The following MEI4 variants were observed in gnomAD, a reference collection of about 807,000 sequenced individuals.
The protein encoded by MEI4 is meiosis-specific protein MEI4.
MEI4 carries 27 observed loss-of-function variants against 31.4 expected under a neutral mutation model. That is an observed-to-expected ratio of 0.86 (90% CI 0.63 to 1.19). MEI4 has a LOEUF of 1.19. Ranked by LOEUF, MEI4 falls within the 50% of genes most tolerant of loss-of-function variation. MEI4 has a pLI of 0.00. For missense variants in MEI4, 329 were observed against 398.9 expected, an observed-to-expected ratio of 0.82 and a Z score of 1.49; for synonymous variants, 122 against 145.4, an observed-to-expected ratio of 0.84 and a Z score of 1.16.
rs70974691 is a variant in MEI4, at chr6:77,905,475, C to CTTTTTT, written c.901-17580_901-17575dup. On this transcript the variant is annotated intron_variant, in intron 4 of 4. Coordinates refer to ENST00000684080, the MANE Select transcript of MEI4 (RefSeq NM_001322247.2). Reference sequence around the variant, plus strand: ...TTCTATAGATTGTATAAATTTTCAGCTTTTTTTTTTTTTTTTTTTTTTTTT... The same window carrying CTTTTTT: ...TTCTATAGATTGTATAAATTTTCAGCTTTTTTTTTTTTTTTTTTTTTTTTTTTTTTT... Among the ~76,000 whole-genome samples, 59 of 93,348 alleles carry CTTTTTT rather than the reference C, an allele frequency of 6.3e-4. 10 individuals are homozygous for CTTTTTT. The highest frequency in any genetic ancestry group is 1.0e-3 in the East Asian group (3 of 2,882). 61.2% of individuals were successfully genotyped at this position (93,348 alleles called of 152,430 possible). A position where few individuals can be genotyped will look rare whatever the true frequency, so the allele number is the denominator to read the frequency against.
At chr6:77,670,888 CCTTT>C (rs1768725913) in intron 1 of MEI4, among the ~76,000 whole-genome samples, 1 of 151,910 alleles carries the variant, frequency 6.6e-6, no homozygotes, top group Admixed American at 6.6e-5. Context: ...ATAGTTTATC[CCTTT>C]CTATCACTGC....
chr6:77,766,221 T>G (rs181895886), intron 3 of MEI4, among the ~76,000 whole-genome samples: 52 of 152,300 alleles, frequency 3.4e-4, no homozygotes, highest in Admixed American at 2.0e-3. Context: ...ATTTGAATGT[T>G]GTGGTTTTAA....
At chr6:77,898,644 T>C (rs1766130974) in intron 4 of MEI4, among the ~76,000 whole-genome samples, 1 of 152,094 alleles carries the variant, frequency 6.6e-6, no homozygotes, top group African/African-American at 2.4e-5. Flanking sequence ...ACTACATCTC[T>C]GTATGTCCTT....
At chr6:77,663,341 G>A (rs1227421335) in intron 1 of MEI4, among the ~76,000 whole-genome samples, 2 of 152,108 alleles carry the variant, frequency 1.3e-5, no homozygotes, top group Non-Finnish European at 2.9e-5. Flanking sequence ...TTAATGAGAT[G>A]GTAAGGGGTG....
At chr6:77,770,814 CA>C (rs926481115) in intron 3 of MEI4, among the ~76,000 whole-genome samples, 5 of 151,624 alleles carry the variant, frequency 3.3e-5, no homozygotes, top group African/African-American at 4.8e-5. Context: ...AACAAACAAA[CA>C]AAAAAAATAA....
chr6:77,903,303 A>G (rs1766223739), intron 4 of MEI4, among the ~76,000 whole-genome samples: 1 of 152,080 alleles, frequency 6.6e-6, no homozygotes, highest in South Asian at 2.1e-4. Context: ...TCATACAACC[A>G]TTCTATTTTT....
intron 3 of MEI4, among the ~76,000 whole-genome samples, chr6:77,813,920 A>G (rs567327990): frequency 6.6e-6 from 1 of 152,188 alleles, no homozygotes; most frequent in African/African-American, 2.4e-5. Flanking sequence ...ATGATTTTCA[A>G]TAATAACATT....
chr6:77,697,707 C>G (rs1163137617), intron 2 of MEI4, among the ~76,000 whole-genome samples: 2 of 152,052 alleles, frequency 1.3e-5, no homozygotes, highest in African/African-American at 2.4e-5. Context: ...AATTTTGGAA[C>G]AGGTGTGGTG....
intron 4 of MEI4, among the ~76,000 whole-genome samples, chr6:77,903,494 GA>G (rs1251100346): frequency 6.6e-6 from 1 of 152,070 alleles, no homozygotes; most frequent in Non-Finnish European, 1.5e-5. Context: ...AACACATTTT[GA>G]ACTCACAATA....
chr6:77,686,875 C>CTTTTTTTTTTTTTTTTTTTTTTT lies in MEI4; in HGVS notation c.-14-3774_-14-3773insTTTTTTTTTTTTTTTTTTTTTTT, dbSNP rs70974681. The stretch of plus-strand genomic sequence containing the variant: ...TCTTGAATAGGAATGGTCTGTGGCT[C>CTTTTTTTTTTTTTTTTTTTTTTT]TTTTTTTTTGTAGATGTTTCATCAG... On this transcript the variant is annotated intron_variant, in intron 1 of 4. Coordinates refer to ENST00000684080, the MANE Select transcript of MEI4 (RefSeq NM_001322247.2). Among the ~76,000 whole-genome samples the CTTTTTTTTTTTTTTTTTTTTTTT allele has an allele frequency of 3.8e-5, 5 of 132,488 alleles. 1 individual carries two copies. The highest frequency in any genetic ancestry group is 5.0e-4 in the South Asian group (2 of 4,020). 86.9% of individuals were successfully genotyped at this position (132,488 alleles called of 152,430 possible). A position where few individuals can be genotyped will look rare whatever the true frequency, so the allele number is the denominator to read the frequency against.
chr6:77,701,299 T>C (rs1226615452), intron 2 of MEI4, among the ~76,000 whole-genome samples: 1 of 152,148 alleles, frequency 6.6e-6, no homozygotes, highest in Admixed American at 6.5e-5. Context: ...CAGGAAGATG[T>C]TAGTGGCTGT....
intron 2 of MEI4, among the ~76,000 whole-genome samples, chr6:77,693,892 C>T (rs182134639): frequency 1.1e-3 from 166 of 152,148 alleles, no homozygotes; most frequent in African/African-American, 2.6e-3. Flanking sequence ...ATATGTGCAA[C>T]TGTCGTTGAG....
chr6:77,753,216 C>T (rs1767825898), intron 2 of MEI4, among the ~76,000 whole-genome samples: 1 of 152,010 alleles, frequency 6.6e-6, no homozygotes, highest in Admixed American at 6.6e-5. Context: ...ACTAAAACAC[C>T]CAAAGCAATG....
intron 3 of MEI4, among the ~76,000 whole-genome samples, chr6:77,799,197 A>G (rs1430633119): frequency 1.3e-4 from 20 of 152,034 alleles, no homozygotes; most frequent in Non-Finnish European, 2.9e-4. Context: ...AACTGGTGTG[A>G]GATGGTATCT....
At chr6:77,751,093 G>A (rs951742772) in intron 2 of MEI4, among the ~76,000 whole-genome samples, 1 of 152,128 alleles carries the variant, frequency 6.6e-6, no homozygotes, top group Non-Finnish European at 1.5e-5. Context: ...AAATGTGCCA[G>A]AATCTCTGAG....
intron 4 of MEI4, among the ~76,000 whole-genome samples, chr6:77,869,000 C>T (rs941359692): frequency 4.6e-5 from 7 of 151,992 alleles, no homozygotes; most frequent in East Asian, 1.9e-4. Flanking sequence ...CTTACTTGGC[C>T]GAGCTGGATG....
intron 4 of MEI4, among the ~76,000 whole-genome samples, chr6:77,835,097 T>C (rs2127712980): frequency 6.7e-6 from 1 of 149,876 alleles, no homozygotes; most frequent in Non-Finnish European, 1.5e-5. Context: ...TATAATTCTA[T>C]ATTATAATTT....
Position 77,868,551 on chromosome 6 carries a change from T to TAG in MEI4, c.900+39493_900+39494dup, listed in dbSNP as rs528218558. Among the ~76,000 whole-genome samples, 566 of 112,608 alleles carry TAG rather than the reference T, an allele frequency of 5.0e-3. 7 individuals carry two copies. The highest frequency in any genetic ancestry group is 0.016 in the African/African-American group (521 of 33,532). 73.9% of individuals were successfully genotyped at this position (112,608 alleles called of 152,430 possible). A position where few individuals can be genotyped will look rare whatever the true frequency, so the allele number is the denominator to read the frequency against. ...TATGCAGATTTCAAGTAAAATCTCT[T>TAG]AGAGAAGTGTCTAGAGAACTCTGCA... On this transcript the variant is annotated intron_variant, in intron 4 of 4. Coordinates refer to ENST00000684080, the MANE Select transcript of MEI4 (RefSeq NM_001322247.2).
intron 2 of MEI4, among the ~76,000 whole-genome samples, chr6:77,717,975 G>A (rs1394998018): frequency 1.9e-4 from 7 of 37,518 alleles, no homozygotes; most frequent in Non-Finnish European, 2.6e-4. Context: ...CTGTCTCTTC[G>A]GAGCTGTTGG....
Sources: gnomAD v4.1 joint callset for allele counts (sites outside exome capture counted in the v4.1 genomes callset) on GRCh38, gnomAD v4.1.1 for gene constraint, MANE v1.5 for transcripts, NCBI Gene and HGNC (gene_info 2026-07-23, HGNC 2026-07-21) for gene names.